Variants in ZNRF3 observed in about 807,000 individuals in gnomAD.
The protein encoded by ZNRF3 is zinc and ring finger 3, also known as E3 ubiquitin-protein ligase ZNRF3.
A neutral mutation model predicts 72.5 loss-of-function variants in ZNRF3; 23 were observed. The observed-to-expected ratio is 0.32, with a 90% confidence interval of 0.23 to 0.45. The LOEUF (loss-of-function observed/expected upper bound fraction) is 0.45, where lower values mean the gene tolerates loss of function less well. Among genes scored for constraint, ZNRF3 ranks in the 20% least tolerant of loss-of-function variants. The probability of loss-of-function intolerance (pLI) is 1.00; values close to 1 mark genes in which losing one functional copy is unlikely to be tolerated. For synonymous variants in ZNRF3, 610 were observed against 545.3 expected (o/e 1.12, Z -1.65); for missense variants, 1,169 against 1,272.1 (o/e 0.92, Z 1.23).
intron 1 of ZNRF3, among the ~76,000 whole-genome samples, chr22:28,887,125 A>AT (rs2033802701): frequency 6.6e-6 from 1 of 152,026 alleles, no homozygotes; most frequent in Non-Finnish European, 1.5e-5. Flanking sequence ...TAGGGGAGAA[A>AT]AAACCTGTTT....
At chr22:28,906,960 G>A (rs918005169) in intron 1 of ZNRF3, among the ~76,000 whole-genome samples, 1 of 151,460 alleles carries the variant, frequency 6.6e-6, no homozygotes, top group Non-Finnish European at 1.5e-5. Flanking sequence ...TTTTCACGGA[G>A]TCATTTTCTT....
At chr22:28,969,499 C>A (rs1160953393) in intron 1 of ZNRF3, among the ~76,000 whole-genome samples, 1 of 152,030 alleles carries the variant, frequency 6.6e-6, no homozygotes, top group African/African-American at 2.4e-5. Flanking sequence ...TTATTCCAGG[C>A]AGAGGGAACA....
chr22:28,893,040 G>A (rs973252498), intron 1 of ZNRF3, among the ~76,000 whole-genome samples: 39 of 151,976 alleles, frequency 2.6e-4, no homozygotes, highest in Admixed American at 6.6e-5. Context: ...GGTGGCGGGC[G>A]CCTGTAGTCC....
At chr22:28,903,762 C>T (rs1221546462) in intron 1 of ZNRF3, among the ~76,000 whole-genome samples, 2 of 152,134 alleles carry the variant, frequency 1.3e-5, no homozygotes, top group Non-Finnish European at 2.9e-5. Flanking sequence ...CTCCTTCCTA[C>T]GTCAAGGCCA....
intron 1 of ZNRF3, among the ~76,000 whole-genome samples, chr22:28,909,186 C>T (rs1049523931): frequency 2.6e-5 from 4 of 152,066 alleles, no homozygotes; most frequent in Admixed American, 2.0e-4. Context: ...CGTGAGCCAC[C>T]GCGCCCAGCC....
intron 1 of ZNRF3, among the ~76,000 whole-genome samples, chr22:28,925,589 A>T (rs2034586034): frequency 6.6e-6 from 1 of 152,178 alleles, no homozygotes; most frequent in Non-Finnish European, 1.5e-5. Flanking sequence ...TCAAGCATGC[A>T]GGAAAAGTGA....
At chr22:28,970,510 G>A (rs2035551273) in intron 1 of ZNRF3, among the ~76,000 whole-genome samples, 1 of 152,170 alleles carries the variant, frequency 6.6e-6, no homozygotes, top group Non-Finnish European at 1.5e-5. Context: ...CCACCCGTAG[G>A]TATTTACACA....
chr22:29,051,797 C>A (rs767638515), intron 8 of ZNRF3, among the ~76,000 whole-genome samples: 2 of 151,126 alleles, frequency 1.3e-5, no homozygotes, highest in Non-Finnish European at 2.9e-5. Flanking sequence ...CCTAGCTACT[C>A]CGGAGGCTGA....
In ZNRF3 at chr22:29,055,532, G is replaced by A. The variant is rs1166481097; in HGVS notation, c.*1910G>A. On this transcript the variant is annotated 3_prime_UTR_variant, in exon 9 of 9. Transcript: ENST00000544604. ...AAATGATCAAAACATTTGCCACTGA[G>A]GCTTCACTGGTGAGATCCGTTCTCC... is the stretch of plus-strand genomic sequence containing the variant. 1.3e-5 allele frequency: 2 copies of A among 152,218 alleles called. No individual in the cohort carries two copies. Among genetic ancestry groups the A allele is most frequent in the Admixed American group, 6.5e-5 (1 of 15,280 alleles). The allele number at this position is 152,218 out of a possible 1,614,324, so 9.4% of individuals were successfully genotyped here.
At chr22:28,894,877 AT>A (rs1227320293) in intron 1 of ZNRF3, among the ~76,000 whole-genome samples, 1 of 152,182 alleles carries the variant, frequency 6.6e-6, no homozygotes, top group Non-Finnish European at 1.5e-5. Flanking sequence ...TAAAAAAAAA[AT>A]TAAAAGATCT....
chr22:28,883,918 G>A lies in ZNRF3; in HGVS notation c.152G>A (p.Gly51Asp). Residue 51 changes from glycine to aspartate, a missense_variant, in exon 1 of 9, where the codon GGC becomes GAC. By Grantham distance (94) the Gly-to-Asp change is moderately conservative (BLOSUM62 -1). Coordinates refer to ENST00000544604, the MANE Select transcript of ZNRF3 (RefSeq NM_001206998.2). The surrounding 1 kb of genome is among the most constrained non-coding windows in gnomAD (Gnocchi z 5.5). The part of the protein sequence containing the change: ...LGLLLAAAGP[G>D]AARAKETAFV... Reference sequence around the variant, plus strand: ...CTGCTGCTGGCGGCCGCGGGGCCCGGCGCGGCGCGGGCCAAGGAGACGGCG... The same window carrying A: ...CTGCTGCTGGCGGCCGCGGGGCCCGACGCGGCGCGGGCCAAGGAGACGGCG... The A allele has an allele frequency of 8.4e-7, 1 of 1,186,644 alleles. No homozygotes were observed. Among genetic ancestry groups the A allele is most frequent in the South Asian group, 1.9e-5 (1 of 52,502 alleles). The allele number at this position is 1,186,644 out of a possible 1,614,324, so 73.5% of individuals were successfully genotyped here. A position where few individuals can be genotyped will look rare whatever the true frequency, so the allele number is the denominator to read the frequency against.
chr22:28,940,486 T>G (rs761431427), intron 1 of ZNRF3, among the ~76,000 whole-genome samples: 7 of 145,470 alleles, frequency 4.8e-5, no homozygotes, highest in Non-Finnish European at 9.0e-5. Flanking sequence ...AGAGCCACAC[T>G]AGGTTTCTGC....
At chr22:28,986,700 A>G in intron 1 of ZNRF3, 1 of 955,680 alleles carries the variant, frequency 1.0e-6, no homozygotes, top group Non-Finnish European at 1.2e-6. Context: ...ATACTAACAT[A>G]GCTAGTCTCG....
chr22:29,017,943 A>G (rs1011774527), intron 2 of ZNRF3: 3 of 516,160 alleles, frequency 5.8e-6, no homozygotes, highest in South Asian at 4.2e-5. Flanking sequence ...GAGGTAATCA[A>G]GGGTCCAGGA....
At chr22:28,908,479 T>C (rs2034254120) in intron 1 of ZNRF3, among the ~76,000 whole-genome samples, 1 of 152,160 alleles carries the variant, frequency 6.6e-6, no homozygotes, top group South Asian at 2.1e-4. Flanking sequence ...TAGCAACCTT[T>C]AGGGAAAAAG....
Position 29,049,314 on chromosome 22 carries a change from T to A in ZNRF3, c.1133T>A (p.Ile378Asn). 6.2e-7 allele frequency: 1 copy of A among 1,613,814 alleles called. No individual in the cohort carries two copies. The highest frequency in any genetic ancestry group is 8.5e-7 in the Non-Finnish European group (1 of 1,179,990). ...YPGRVHRTNA[I>N]PAYPTRTSMD... Reference sequence around the variant, plus strand: ...GGCCGCGTGCACAGGACCAACGCCATCCCAGCCTACCCTACGAGGACAAGC... The same window carrying A: ...GGCCGCGTGCACAGGACCAACGCCAACCCAGCCTACCCTACGAGGACAAGC... Residue 378 changes from isoleucine (I) to asparagine (N), a missense_variant, in exon 8 of 9, where the codon ATC (isoleucine) becomes AAC (asparagine). Physicochemically the swap from Ile to Asn is moderately radical, Grantham distance 149. Transcript: ENST00000544604. The surrounding 1 kb of genome is among the most constrained non-coding windows in gnomAD (Gnocchi z 5.2).
intron 2 of ZNRF3, among the ~76,000 whole-genome samples, chr22:28,989,913 C>G (rs1297037520): frequency 1.3e-5 from 2 of 152,208 alleles, no homozygotes; most frequent in African/African-American, 4.8e-5. Flanking sequence ...ATTTTAAAAG[C>G]AAAAGGCATA....
chr22:28,973,050 A>G (rs1024438442), intron 1 of ZNRF3, among the ~76,000 whole-genome samples: 1 of 152,204 alleles, frequency 6.6e-6, no homozygotes, highest in Admixed American at 6.5e-5. Context: ...TGGAGCCATC[A>G]TGGCTTAATG....
Position 29,049,588 on chromosome 22 carries a change from C to T in ZNRF3, c.1407C>T (p.Tyr469=), listed in dbSNP as rs781364952. 2.4e-5 allele frequency: 39 copies of T among 1,607,982 alleles called. No homozygotes were observed. Among genetic ancestry groups the T allele is most frequent in the Non-Finnish European group, 3.2e-5 (38 of 1,178,296 alleles). ...GCTTCTCCCAGTATGAGACCATGTA[C>T]CAGCACTACTACTTCCAGGGCCTCA... ...AACFSQYETM[Y]QHYYFQGLSY... Residue 469 remains tyrosine (Y), a synonymous_variant, in exon 8 of 9, where the codon TAC becomes TAT. Coordinates refer to ENST00000544604, the MANE Select transcript of ZNRF3 (RefSeq NM_001206998.2). The surrounding 1 kb of genome is among the most constrained non-coding windows in gnomAD (Gnocchi z 5.2).
Sources: gnomAD v4.1 joint callset for allele counts (sites outside exome capture counted in the v4.1 genomes callset) on GRCh38, gnomAD v4.1.1 for gene constraint, Gnocchi (gnomAD v3.1) non-coding constraint, MANE v1.5 for transcripts, NCBI Gene and HGNC (gene_info 2026-07-23, HGNC 2026-07-21) for gene names.